DNAH9: variants seen among roughly 807,000 people sequenced by gnomAD.
The protein encoded by DNAH9 is DNAH9 variant protein.
In DNAH9, 345 loss-of-function variants were observed where a neutral mutation model predicts 471.6. The observed-to-expected ratio is 0.73, with a 90% CI of 0.67 to 0.80. DNAH9 has a LOEUF of 0.80. Ranked by LOEUF, DNAH9 falls within the 30% of genes least tolerant of loss-of-function variation. The pLI is 0.00. For synonymous variants in DNAH9, 2,093 were observed against 2,123.6 expected (o/e 0.99, Z 0.40); for missense variants, 5,407 against 5,609.2 (o/e 0.96, Z 1.15).
At chr17:11,605,674 A>ATTTTTTTTTTTTTTTTT (rs59748847) in intron 1 of DNAH9, among the ~76,000 whole-genome samples, 1 of 145,008 alleles carries the variant, frequency 6.9e-6, no homozygotes, top group African/African-American at 2.6e-5. Flanking sequence ...CAATTTTTCT[A>ATTTTTTTTTTTTTTTTT]TTTTTTTTTT....
chr17:11,826,392 G>T (rs1970492292), intron 48 of DNAH9, among the ~76,000 whole-genome samples: 1 of 130,058 alleles, frequency 7.7e-6, no homozygotes, highest in South Asian at 2.7e-4. Context: ...CCTTTCCTCA[G>T]TTCCCACATT....
rs3074845 is a variant in DNAH9, at chr17:11,960,435, T to TAAAAAA, written c.12844-1410_12844-1405dup. On this transcript the variant is annotated intron_variant, in intron 67 of 68. Coordinates refer to ENST00000262442, the MANE Select transcript of DNAH9 (RefSeq NM_001372.4). ...TGGGTGACAGAGCAAGACTCTGTCT[T>TAAAAAA]AAAAAAAAAAAAAAAAAAAAAAAAA... 5.5e-3 allele frequency among the ~76,000 whole-genome samples: 295 copies of TAAAAAA among 54,032 alleles called. 6 individuals are homozygous for TAAAAAA. The highest frequency in any genetic ancestry group is 0.017 in the South Asian group (22 of 1,320). 35.4% of individuals were successfully genotyped at this position (54,032 alleles called of 152,430 possible).
At chr17:11,705,936 A>G (rs920803116) in intron 26 of DNAH9, among the ~76,000 whole-genome samples, 4 of 152,202 alleles carry the variant, frequency 2.6e-5, no homozygotes, top group African/African-American at 9.6e-5. Flanking sequence ...CTCTATATTC[A>G]TTAAAGTTAA....
chr17:11,770,904 C>G (rs1253339865), intron 38 of DNAH9, among the ~76,000 whole-genome samples: 2 of 152,204 alleles, frequency 1.3e-5, no homozygotes, highest in South Asian at 4.1e-4. Flanking sequence ...ATACTCCCAC[C>G]GTGGCCAATT....
At chr17:11,885,113 G>A (rs1179354742) in intron 56 of DNAH9, among the ~76,000 whole-genome samples, 2 of 152,156 alleles carry the variant, frequency 1.3e-5, no homozygotes, top group African/African-American at 4.8e-5. Flanking sequence ...GATGAAAGTT[G>A]GAGATACAGC....
chr17:11,810,783 C>T (rs1403407512), intron 45 of DNAH9, among the ~76,000 whole-genome samples: 3 of 152,106 alleles, frequency 2.0e-5, no homozygotes, highest in South Asian at 2.1e-4. Context: ...TGAGCATGCA[C>T]GCGTAAAACT....
intron 24 of DNAH9, among the ~76,000 whole-genome samples, chr17:11,701,690 T>TTTGA (rs1021352097): frequency 5.0e-4 from 76 of 152,210 alleles, no homozygotes; most frequent in Admixed American, 2.0e-3. Flanking sequence ...TTTTTGTTTG[T>TTTGA]TTGTTTAAGA....
intron 12 of DNAH9, among the ~76,000 whole-genome samples, chr17:11,647,423 T>C (rs2073416218): frequency 6.6e-6 from 1 of 152,120 alleles, no homozygotes; most frequent in African/African-American, 2.4e-5. Context: ...TATAAGAACA[T>C]GCAAAAGATT....
chr17:11,622,572 C>A (rs2072890073), intron 6 of DNAH9, among the ~76,000 whole-genome samples: 1 of 152,152 alleles, frequency 6.6e-6, no homozygotes. Context: ...TTTGCAGATG[C>A]TCCAGCCCTG....
chr17:11,959,581 A>T (rs1975907499), intron 67 of DNAH9, among the ~76,000 whole-genome samples: 1 of 152,200 alleles, frequency 6.6e-6, no homozygotes, highest in Non-Finnish European at 1.5e-5. Flanking sequence ...CAAACAAAGG[A>T]AACAGTTTTT....
rs145364113 is a variant in DNAH9 at position 11,768,524 on chromosome 17, A to C, written c.7242A>C (p.Gln2414His). Reference protein sequence around the residue: ...TEFKTVKFPSQGTIFDYYIDP... With the variant: ...TEFKTVKFPSHGTIFDYYIDP... ...TCAAAACAGTCAAGTTTCCTTCCCA[A>C]GGAACCATCTTTGACTATTACATCG... Residue 2414 changes from glutamine to histidine, a missense_variant, in exon 37 of 69, where the codon CAA becomes CAC. Around this residue, in one of 3 missense-constraint regions of DNAH9, gnomAD observed 4,636 missense variants for 4,900.3 expected, o/e 0.95. Transcript: ENST00000262442. 6 of 1,614,064 alleles carry C rather than the reference A, an allele frequency of 3.7e-6. No individual in the cohort carries two copies. The highest frequency in any genetic ancestry group is 5.1e-6 in the Non-Finnish European group (6 of 1,180,054).
intron 24 of DNAH9, among the ~76,000 whole-genome samples, chr17:11,703,272 G>T (rs2074636131): frequency 6.6e-6 from 1 of 152,034 alleles, no homozygotes; most frequent in Non-Finnish European, 1.5e-5. Context: ...TGCCAATGAG[G>T]GGGAGCTTCT....
chr17:11,651,109 G>C lies in DNAH9; in HGVS notation c.2138G>C (p.Arg713Thr), dbSNP rs754468600. The C allele has an allele frequency of 6.2e-7, 1 of 1,614,136 alleles. No homozygotes were observed. Among genetic ancestry groups the C allele is most frequent in the Non-Finnish European group, 8.5e-7 (1 of 1,180,022 alleles). Reference sequence around the variant, plus strand: ...AAAGAAATGAGCTATCTTGAACCCAGAGAGATGAAACACATGCCTGAGACA... The same window carrying C: ...AAAGAAATGAGCTATCTTGAACCCACAGAGATGAAACACATGCCTGAGACA... ...VLKEMSYLEP[R>T]EMKHMPETAA... The change falls in exon 13 of 69, where the codon AGA becomes ACA. Residue 713 changes from arginine to threonine, a missense_variant. Arg to Thr is a moderately conservative substitution (Grantham distance 71). Transcript: ENST00000262442.
At position 11,821,925 on chromosome 17, in the gene DNAH9, A is replaced by G; in HGVS notation, c.8713A>G (p.Ile2905Val). The G allele has an allele frequency of 6.2e-7, 1 of 1,608,396 alleles. No homozygotes were observed. The highest frequency in any genetic ancestry group is 8.5e-7 in the Non-Finnish European group (1 of 1,178,432). Residue 2905 changes from isoleucine to valine, a missense_variant, in exon 46 of 69, where the codon ATC (isoleucine) becomes GTC (valine). Ile to Val is a conservative substitution (Grantham distance 29). This residue lies in a region of DNAH9 where 4,636 missense variants were observed against 4,900.3 expected (regional missense o/e 0.95). Transcript: ENST00000262442. ...LINDLLASGE[I>V]PDLYSDDEVE... The stretch of plus-strand genomic sequence containing the variant: ...TGTGCTCCATTTTTTCCCAGGGGAG[A>G]TCCCAGATCTCTACTCTGATGATGA...
intron 27 of DNAH9, among the ~76,000 whole-genome samples, chr17:11,721,709 AAGAG>A (rs1431310287): frequency 1.3e-5 from 2 of 151,732 alleles, no homozygotes; most frequent in Non-Finnish European, 2.9e-5. Context: ...GAGAGAGAGA[AAGAG>A]AGAGATAGTA....
chr17:11,673,078 T>C (rs1409502426), intron 17 of DNAH9, among the ~76,000 whole-genome samples: 1 of 152,220 alleles, frequency 6.6e-6, no homozygotes, highest in East Asian at 1.9e-4. Flanking sequence ...TCATCCCTGA[T>C]GAAGCAAAAT....
intron 35 of DNAH9, 74 bp from the exon 36 acceptor site, chr17:11,763,366 C>T (rs1967796972): frequency 7.3e-7 from 1 of 1,361,804 alleles, no homozygotes. Flanking sequence ...CTGAGTGGTT[C>T]CATAGCTGTC....
chr17:11,915,349 C>A (rs546396475), intron 61 of DNAH9, among the ~76,000 whole-genome samples: 1 of 152,236 alleles, frequency 6.6e-6, no homozygotes, highest in African/African-American at 2.4e-5. Context: ...CATGCTGAAA[C>A]CCCATCTCTA....
intron 44 of DNAH9, 96 bp from the exon 45 acceptor site, chr17:11,810,150 A>C: frequency 1.4e-6 from 2 of 1,417,694 alleles, no homozygotes; most frequent in African/African-American, 1.5e-5. Flanking sequence ...CCATTCAAGC[A>C]GAGAAGAAAA....
Sources: allele counts gnomAD v4.1 joint callset (sites outside exome capture counted in the v4.1 genomes callset), GRCh38; gene constraint gnomAD v4.1.1; regional missense constraint gnomAD v4.1.1; transcripts MANE v1.5; gene names NCBI Gene and HGNC (gene_info 2026-07-23, HGNC 2026-07-21).